CADM1: variants seen among roughly 807,000 people sequenced by gnomAD.
CADM1 encodes the protein cell adhesion molecule 1.
In CADM1, 15 loss-of-function variants were observed where a neutral mutation model predicts 53.1. The observed-to-expected ratio is 0.28, with a 90% CI of 0.19 to 0.44. The LOEUF (loss-of-function observed/expected upper bound fraction) is 0.44. Among genes scored for constraint, CADM1 ranks in the 20% least tolerant of loss-of-function variants. CADM1 has a pLI of 1.00. For synonymous variants in CADM1, 281 were observed against 243.0 expected, an observed-to-expected ratio of 1.16 and a Z score of -1.45; for missense variants, 434 against 611.3, an observed-to-expected ratio of 0.71 and a Z score of 3.06.
At chr11:115,494,253 A>C (rs1223448348) in intron 1 of CADM1, among the ~76,000 whole-genome samples, 1 of 152,098 alleles carries the variant, frequency 6.6e-6, no homozygotes, top group Non-Finnish European at 1.5e-5. Context: ...AATTTTTTGA[A>C]ATAAAAGTTG....
At chr11:115,280,111 G>C (rs1943548843) in intron 1 of CADM1, among the ~76,000 whole-genome samples, 1 of 152,202 alleles carries the variant, frequency 6.6e-6, no homozygotes, top group South Asian at 2.1e-4. Context: ...ATCTTGAGTT[G>C]ATAACCTCTA....
intron 1 of CADM1, among the ~76,000 whole-genome samples, chr11:115,350,532 C>A (rs1289257464): frequency 2.1e-5 from 3 of 144,458 alleles, no homozygotes; most frequent in Admixed American, 6.9e-5. Context: ...TTAATAAAAA[C>A]CACAACATAT....
At chr11:115,356,540 TGTCA>T (rs1367000087) in intron 1 of CADM1, among the ~76,000 whole-genome samples, 2 of 152,114 alleles carry the variant, frequency 1.3e-5, no homozygotes, top group Non-Finnish European at 2.9e-5. Flanking sequence ...AATAGGGGAA[TGTCA>T]GTGAATGACA....
chr11:115,287,646 A>C (rs1201133804), intron 1 of CADM1, among the ~76,000 whole-genome samples: 1 of 152,224 alleles, frequency 6.6e-6, no homozygotes, highest in Non-Finnish European at 1.5e-5. Context: ...CTCTGAGATT[A>C]GGTTACTGAG....
chr11:115,352,903 C>T (rs940866957), intron 1 of CADM1, among the ~76,000 whole-genome samples: 4 of 152,198 alleles, frequency 2.6e-5, no homozygotes, highest in African/African-American at 9.7e-5. Flanking sequence ...ATATGTACCA[C>T]ATTTTCTTCA....
At chr11:115,381,861 T>C (rs1946587469) in intron 1 of CADM1, among the ~76,000 whole-genome samples, 1 of 152,178 alleles carries the variant, frequency 6.6e-6, no homozygotes, top group South Asian at 2.1e-4. Flanking sequence ...GATTTTTTTT[T>C]TGAGACAGAA....
rs748313435 is a variant in CADM1 at position 115,435,936 on chromosome 11, A to G, written c.124+68335T>C. On this transcript the variant is annotated intron_variant, in intron 1 of 11. Transcript: ENST00000331581. ...CTAGATCAATGTTTTTTGGCTTGGA[A>G]AAAGCTTAGCACACGACGGTAAACA... Among the ~76,000 whole-genome samples the G allele has an allele frequency of 1.4e-4, 21 of 152,284 alleles. No homozygotes were observed. The Middle Eastern group carries it at 0.01, about 74-fold the overall frequency.
At chr11:115,312,667 T>C (rs1944562308) in intron 1 of CADM1, among the ~76,000 whole-genome samples, 1 of 152,086 alleles carries the variant, frequency 6.6e-6, no homozygotes, top group Admixed American at 6.6e-5. Context: ...AAAATAAAAC[T>C]CCAGGTGATT....
At chr11:115,457,211 A>G (rs1334427551) in intron 1 of CADM1, among the ~76,000 whole-genome samples, 1 of 152,208 alleles carries the variant, frequency 6.6e-6, no homozygotes, top group Non-Finnish European at 1.5e-5. Context: ...TAAGTGGCAG[A>G]GTCAGAATCC....
rs75641287 is a variant in CADM1 at position 115,227,781 on chromosome 11, T to G, written c.721+1332A>C. Among the ~76,000 whole-genome samples the G allele has an allele frequency of 7.4e-3, 1,132 of 152,300 alleles. 11 individuals carry two copies. Among genetic ancestry groups the G allele is most frequent in the African/African-American group, 0.026 (1,080 of 41,564 alleles). On this transcript the variant is annotated intron_variant, in intron 5 of 11. Coordinates refer to ENST00000331581, the MANE Select transcript of CADM1 (RefSeq NM_001301043.2). ...TCACGGAGTTAAGAAAAGGTTGGAATGGGATGGTTTCTTAGAAGCAACTTT... is the reference window on the plus strand; with the variant it reads ...TCACGGAGTTAAGAAAAGGTTGGAAGGGGATGGTTTCTTAGAAGCAACTTT...
intron 9 of CADM1, among the ~76,000 whole-genome samples, chr11:115,191,829 C>T (rs995230050): frequency 4.6e-5 from 7 of 152,124 alleles, no homozygotes; most frequent in Admixed American, 2.6e-4. Flanking sequence ...GCTCAAAGTC[C>T]AGTGTGACTA....
rs543591698 is a variant in CADM1, at chr11:115,437,207, C to A, written c.124+67064G>T. On this transcript the variant is annotated intron_variant, in intron 1 of 11. Transcript: ENST00000331581. ...TAGGGTAATGGTAAGAAATGCAAGA[C>A]CTGCCCCAGAGGTGGAATAAAAAAC... Among the ~76,000 whole-genome samples the A allele has an allele frequency of 6.6e-5, 10 of 152,222 alleles. No homozygotes were observed. In the South Asian group the frequency reaches 2.1e-3, roughly 32 times the overall value.
intron 1 of CADM1, among the ~76,000 whole-genome samples, chr11:115,307,429 CAAG>C (rs1302908872): frequency 6.7e-6 from 1 of 148,332 alleles, no homozygotes; most frequent in Non-Finnish European, 1.5e-5. Context: ...TCCTATGAGA[CAAG>C]AAGACAAAAA....
intron 1 of CADM1, among the ~76,000 whole-genome samples, chr11:115,426,222 T>G (rs1321401138): frequency 6.6e-6 from 1 of 152,178 alleles, no homozygotes; most frequent in Non-Finnish European, 1.5e-5. Flanking sequence ...GCTAGAAAAA[T>G]GTTATATCGC....
chr11:115,189,291 T>TG (rs1939728023), intron 10 of CADM1, among the ~76,000 whole-genome samples: 1 of 152,114 alleles, frequency 6.6e-6, no homozygotes, highest in South Asian at 2.1e-4. Flanking sequence ...ATGATGCTGG[T>TG]GGAAGGGGTG....
At chr11:115,258,519 C>T (rs937369089) in intron 1 of CADM1, among the ~76,000 whole-genome samples, 1 of 152,164 alleles carries the variant, frequency 6.6e-6, no homozygotes, top group Non-Finnish European at 1.5e-5. Context: ...CTCTGTTTCC[C>T]GACCTACTCC....
At chr11:115,187,099 T>C (rs1327023101) in intron 10 of CADM1, among the ~76,000 whole-genome samples, 1 of 152,262 alleles carries the variant, frequency 6.6e-6, no homozygotes, top group African/African-American at 2.4e-5. Context: ...AGCCATATCA[T>C]GCCACACTTT....
At chr11:115,347,268 G>T (rs185644966) in intron 1 of CADM1, among the ~76,000 whole-genome samples, 100 of 152,108 alleles carry the variant, frequency 6.6e-4, no homozygotes, top group African/African-American at 2.3e-3. Flanking sequence ...ACTGCTTCTT[G>T]GCATACGTCT....
At chr11:115,188,933 G>C (rs1371094625) in intron 10 of CADM1, among the ~76,000 whole-genome samples, 1 of 151,054 alleles carries the variant, frequency 6.6e-6, no homozygotes, top group Non-Finnish European at 1.5e-5. Flanking sequence ...TCTCTTTGCT[G>C]CTGAGTGAAG....
Sources: gnomAD v4.1 joint callset for allele counts (sites outside exome capture counted in the v4.1 genomes callset) on GRCh38, gnomAD v4.1.1 for gene constraint, MANE v1.5 for transcripts, NCBI Gene and HGNC (gene_info 2026-07-23, HGNC 2026-07-21) for gene names.